The following KSR2 variants were observed in gnomAD, a reference collection of about 807,000 sequenced individuals.
The protein encoded by KSR2 is kinase suppressor of ras 2.
Under a neutral mutation model 107.8 loss-of-function variants are expected in KSR2, and 25 were observed. That is an observed-to-expected ratio of 0.23 (90% CI 0.17 to 0.32). The LOEUF (loss-of-function observed/expected upper bound fraction) is 0.32. Among genes scored for constraint, KSR2 ranks in the 10% least tolerant of loss-of-function variants. KSR2 has a pLI of 1.00. For missense variants in KSR2, 887 were observed against 1,268.9 expected, an observed-to-expected ratio of 0.70 and a Z score of 4.57; for synonymous variants, 480 against 507.0, an observed-to-expected ratio of 0.95 and a Z score of 0.71.
intron 3 of KSR2, among the ~76,000 whole-genome samples, chr12:117,767,843 T>A (rs7315728): frequency 0.41 from 61,466 of 149,750 alleles, 13,163 homozygotes; most frequent in East Asian, 0.66. Context: ...AGGGAGGACT[T>A]CCCAGGGTTT....
At chr12:117,745,395 G>A (rs1009024545) in intron 4 of KSR2, among the ~76,000 whole-genome samples, 3 of 152,198 alleles carry the variant, frequency 2.0e-5, no homozygotes, top group African/African-American at 7.2e-5. Context: ...AATCAAGAGA[G>A]TGAAGAAATG....
intron 1 of KSR2, among the ~76,000 whole-genome samples, chr12:117,940,630 G>A (rs990402200): frequency 1.1e-4 from 16 of 152,286 alleles, no homozygotes; most frequent in African/African-American, 3.8e-4. Context: ...ATTTAAAATA[G>A]TCAAGTAGTC....
At chr12:117,697,277 G>GA (rs1886106888) in intron 4 of KSR2, among the ~76,000 whole-genome samples, 1 of 152,178 alleles carries the variant, frequency 6.6e-6, no homozygotes, top group African/African-American at 2.4e-5. Flanking sequence ...AACAGTATAG[G>GA]AAGGTACATA....
chr12:117,891,348 A>G (rs1194030044), intron 1 of KSR2, among the ~76,000 whole-genome samples: 1 of 151,812 alleles, frequency 6.6e-6, no homozygotes, highest in Non-Finnish European at 1.5e-5. Flanking sequence ...CCCAGGAGGC[A>G]GAGGTTACAG....
intron 1 of KSR2, among the ~76,000 whole-genome samples, chr12:117,898,615 T>G (rs750814625): frequency 6.6e-6 from 1 of 151,918 alleles, no homozygotes; most frequent in Non-Finnish European, 1.5e-5. Context: ...CCACCATGGC[T>G]GGCCTTTTTT....
At chr12:117,831,969 G>A (rs1322161121) in intron 3 of KSR2, among the ~76,000 whole-genome samples, 1 of 152,206 alleles carries the variant, frequency 6.6e-6, no homozygotes, top group African/African-American at 2.4e-5. Context: ...ATACTTGAGG[G>A]TGGTTTTTTC....
intron 10 of KSR2, among the ~76,000 whole-genome samples, chr12:117,534,120 AGCAG>A (rs1875857712): frequency 6.6e-6 from 1 of 151,886 alleles, no homozygotes; most frequent in Non-Finnish European, 1.5e-5. Flanking sequence ...CAAAGAGACA[AGCAG>A]GCCACTCTGA....
At chr12:117,788,024 G>A (rs1301264721) in intron 3 of KSR2, among the ~76,000 whole-genome samples, 5 of 152,228 alleles carry the variant, frequency 3.3e-5, no homozygotes. Flanking sequence ...TATGGGATGG[G>A]AACCAGAAAG....
intron 9 of KSR2, among the ~76,000 whole-genome samples, chr12:117,541,115 G>A (rs973929595): frequency 2.6e-5 from 4 of 151,838 alleles, no homozygotes; most frequent in African/African-American, 9.7e-5. Flanking sequence ...AGGCAGGCAG[G>A]GGGGAACAGT....
At chr12:117,700,682 C>T (rs969032968) in intron 4 of KSR2, among the ~76,000 whole-genome samples, 1 of 152,218 alleles carries the variant, frequency 6.6e-6, no homozygotes, top group Non-Finnish European at 1.5e-5. Flanking sequence ...GGTGAAGACG[C>T]TATTAACCGC....
intron 14 of KSR2, among the ~76,000 whole-genome samples, chr12:117,501,068 G>A (rs2137175703): frequency 6.6e-6 from 1 of 152,304 alleles, no homozygotes; most frequent in South Asian, 2.1e-4. Flanking sequence ...CCTGTTTTTT[G>A]CATGACCCAT....
chr12:117,498,536 C>T (rs1339050777), intron 14 of KSR2, among the ~76,000 whole-genome samples: 1 of 152,132 alleles, frequency 6.6e-6, no homozygotes, highest in African/African-American at 2.4e-5. Flanking sequence ...TGACTCCTAT[C>T]CTTTGTCTTC....
chr12:117,772,413 T>TAC (rs1235696796), intron 3 of KSR2, among the ~76,000 whole-genome samples: 1 of 56,954 alleles, frequency 1.8e-5, no homozygotes, highest in African/African-American at 7.9e-5. Context: ...CACACACTCA[T>TAC]ACACACACAC....
intron 3 of KSR2, among the ~76,000 whole-genome samples, chr12:117,791,759 T>A (rs1445756434): frequency 6.6e-6 from 1 of 152,182 alleles, no homozygotes; most frequent in Admixed American, 6.5e-5. Context: ...AACGGAGGCA[T>A]CAGCGATCAA....
At chr12:117,857,783 AT>A (rs1401437999) in intron 2 of KSR2, among the ~76,000 whole-genome samples, 1 of 152,252 alleles carries the variant, frequency 6.6e-6, no homozygotes, top group African/African-American at 2.4e-5. Context: ...ACAGCAAGTC[AT>A]TGGTGGAGCC....
At chr12:117,793,622 C>G (rs1240912870) in intron 3 of KSR2, among the ~76,000 whole-genome samples, 3 of 148,108 alleles carry the variant, frequency 2.0e-5, no homozygotes, top group Non-Finnish European at 4.5e-5. Context: ...CTCACACCAA[C>G]ATGCACACTT....
intron 4 of KSR2, among the ~76,000 whole-genome samples, chr12:117,703,337 G>A (rs1419064364): frequency 6.6e-6 from 1 of 152,130 alleles, no homozygotes; most frequent in East Asian, 1.9e-4. Flanking sequence ...AGGTGCATGA[G>A]GTGCCTAGGA....
intron 3 of KSR2, among the ~76,000 whole-genome samples, chr12:117,838,437 G>A (rs976459078): frequency 2.0e-5 from 3 of 152,176 alleles, no homozygotes; most frequent in Non-Finnish European, 2.9e-5. Flanking sequence ...AAAGTGCTGG[G>A]ATTACAGGTG....
chr12:117,550,023 A>G (rs1464260187), intron 9 of KSR2, among the ~76,000 whole-genome samples: 3 of 152,234 alleles, frequency 2.0e-5, no homozygotes, highest in African/African-American at 4.8e-5. Context: ...GTTGTGTTCC[A>G]TCAGAAGGAA....
Sources: allele counts gnomAD v4.1 joint callset (sites outside exome capture counted in the v4.1 genomes callset), GRCh38; gene constraint gnomAD v4.1.1; transcripts MANE v1.5; gene names NCBI Gene and HGNC (gene_info 2026-07-23, HGNC 2026-07-21).